CPD: variants seen among roughly 807,000 people sequenced by gnomAD.
The protein encoded by CPD is carboxypeptidase D.
CPD carries 69 observed loss-of-function variants against 138.3 expected under a neutral mutation model. The observed-to-expected ratio is 0.50, with a 90% CI of 0.41 to 0.61. The LOEUF is 0.61. CPD is among the 20% of genes least tolerant of loss of function. The pLI, the probability that CPD is intolerant of heterozygous loss-of-function variation, is 0.00. For synonymous variants in CPD, 651 were observed against 642.1 expected, an observed-to-expected ratio of 1.01 and a Z score of -0.21; for missense variants, 1,432 against 1,733.3, an observed-to-expected ratio of 0.83 and a Z score of 3.09.
intron 17 of CPD, 53 bp from the exon 18 acceptor site, chr17:30,461,127 C>T (rs1913460332): frequency 7.1e-7 from 1 of 1,415,584 alleles, no homozygotes; most frequent in Non-Finnish European, 9.5e-7. Context: ...AAGCCTTATT[C>T]TTTCTTTTAC....
At chr17:30,385,630 A>G (rs1704557016) in intron 2 of CPD, among the ~76,000 whole-genome samples, 1 of 152,072 alleles carries the variant, frequency 6.6e-6, no homozygotes, top group African/African-American at 2.4e-5. Context: ...AAGTACAGGG[A>G]CATTTTCCTG....
chr17:30,460,722 T>C (rs1007021537), intron 17 of CPD, among the ~76,000 whole-genome samples: 6 of 152,184 alleles, frequency 3.9e-5, no homozygotes, highest in African/African-American at 1.4e-4. Context: ...ACCTTGATAA[T>C]ATCAATGCCG....
chr17:30,427,560 T>C lies in CPD; in HGVS notation c.2017+2T>C. 1 of 1,612,938 alleles carries C rather than the reference T, an allele frequency of 6.2e-7. No homozygotes were observed. Among genetic ancestry groups the C allele is most frequent in the Non-Finnish European group, 8.5e-7 (1 of 1,179,148 alleles). On this transcript the variant is annotated splice_donor_variant, in intron 7 of 20. Coordinates refer to ENST00000225719, the MANE Select transcript of CPD (RefSeq NM_001304.5). LOFTEE classifies it high-confidence loss of function. The stretch of plus-strand genomic sequence containing the variant: ...TACTTTCAGCAAACCTGCATGGAGG[T>C]ATGGCAACTTTATATTCTACTAATC...
At chr17:30,398,237 A>G (rs919161950) in intron 2 of CPD, among the ~76,000 whole-genome samples, 1 of 38,538 alleles carries the variant, frequency 2.6e-5, no homozygotes, top group Non-Finnish European at 5.0e-5. Flanking sequence ...ATAGAATAGA[A>G]CAGAATAGAA....
chr17:30,430,590 A>G (rs958772888), intron 7 of CPD, among the ~76,000 whole-genome samples: 1 of 152,166 alleles, frequency 6.6e-6, no homozygotes, highest in African/African-American at 2.4e-5. Context: ...TTTGACTACA[A>G]TGAAAAATGC....
intron 2 of CPD, among the ~76,000 whole-genome samples, chr17:30,403,493 T>C (rs959362019): frequency 2.0e-5 from 3 of 152,086 alleles, no homozygotes; most frequent in Non-Finnish European, 4.4e-5. Flanking sequence ...GTATAGAAGA[T>C]AAATAAAGAC....
In CPD at chr17:30,422,698, T is replaced by G. The variant is rs747199704; in HGVS notation, c.1332T>G (p.Asn444Lys). ...LTGYMPLTVT[N>K]VVVKEGPATE... is the part of the protein sequence containing the mutation. ...GGTATATGCCATTGACTGTTACTAA[T>G]GTAGTGGTGAAAGAAGGACCAGCCA... The change falls in exon 5 of 21, where the codon AAT becomes AAG. Residue 444 changes from asparagine (N) to lysine (K), a missense_variant. By Grantham distance (94) the Asn-to-Lys change is moderately conservative (BLOSUM62 0). Transcript: ENST00000225719. The G allele has an allele frequency of 1.9e-6, 3 of 1,612,832 alleles. No individual in the cohort carries two copies. The highest frequency in any genetic ancestry group is 2.5e-6 in the Non-Finnish European group (3 of 1,179,410).
intron 2 of CPD, among the ~76,000 whole-genome samples, chr17:30,389,690 G>A (rs1280226084): frequency 6.6e-6 from 1 of 152,154 alleles, no homozygotes; most frequent in Non-Finnish European, 1.5e-5. Flanking sequence ...TGGTATTAAG[G>A]CCAGAGATTA....
rs1326683679 is a variant in CPD, at chr17:30,379,277, C to A, written c.297C>A (p.Leu99=). The A allele has an allele frequency of 2.0e-6, 3 of 1,510,760 alleles. No individual in the cohort carries two copies. Among genetic ancestry groups the A allele is most frequent in the Middle Eastern group, 1.9e-4 (1 of 5,304 alleles). 93.6% of individuals were successfully genotyped at this position (1,510,760 alleles called of 1,614,324 possible). Residue 99 remains leucine, a synonymous_variant, in exon 1 of 21, where the codon CTC becomes CTA. Transcript: ENST00000225719. The surrounding 1 kb of genome is among the most constrained non-coding windows in gnomAD (Gnocchi z 7.0). The part of the protein sequence containing the change: ...VEGRPLWVLR[L]TAGLGSLIPE... ...GCCGGCCGCTGTGGGTGCTTCGCCT[C>A]ACCGCCGGCCTGGGGTCGCTAATCC... is the stretch of plus-strand genomic sequence containing the variant.
intron 11 of CPD, 70 bp downstream of exon 11, chr17:30,444,041 C>T: frequency 2.6e-6 from 4 of 1,516,550 alleles, no homozygotes; most frequent in Non-Finnish European, 3.6e-6. Flanking sequence ...AGGATTATTA[C>T]TAGAACGTTC....
At chr17:30,428,305 CTG>C (rs1293302305) in intron 7 of CPD, among the ~76,000 whole-genome samples, 1 of 152,172 alleles carries the variant, frequency 6.6e-6, no homozygotes, top group Non-Finnish European at 1.5e-5. Context: ...GAGAACCAAA[CTG>C]TGTCCACACA....
chr17:30,393,381 T>G (rs753879535), intron 2 of CPD, among the ~76,000 whole-genome samples: 24 of 152,360 alleles, frequency 1.6e-4, no homozygotes, highest in South Asian at 8.3e-4. Flanking sequence ...CCAGAAAGCT[T>G]ATTTTTGAGG....
At chr17:30,454,457 C>A (rs1481392642) in intron 14 of CPD, 1 of 152,270 alleles carries the variant, frequency 6.6e-6, no homozygotes, top group Non-Finnish European at 1.5e-5. Flanking sequence ...CCACCTCAGC[C>A]TGGACCTTAT....
chr17:30,386,977 G>T (rs1597704784), intron 2 of CPD, among the ~76,000 whole-genome samples: 1 of 152,334 alleles, frequency 6.6e-6, no homozygotes, highest in Non-Finnish European at 1.5e-5. Context: ...CCCAGGAGTA[G>T]AATTGCTGGG....
chr17:30,463,956 CAAG>C (rs1216933190), intron 20 of CPD, among the ~76,000 whole-genome samples: 2 of 151,750 alleles, frequency 1.3e-5, no homozygotes, highest in South Asian at 2.1e-4. Flanking sequence ...TTAAAATAAA[CAAG>C]GAGATTTGGA....
intron 2 of CPD, among the ~76,000 whole-genome samples, chr17:30,409,988 G>A (rs1277568529): frequency 6.6e-6 from 1 of 152,104 alleles, no homozygotes; most frequent in African/African-American, 2.4e-5. Context: ...TCTCTTGTGG[G>A]CATTTAGTGC....
intron 7 of CPD, among the ~76,000 whole-genome samples, chr17:30,431,462 C>T (rs553604125): frequency 6.6e-6 from 1 of 152,060 alleles, no homozygotes; most frequent in East Asian, 1.9e-4. Flanking sequence ...GATGGAATCC[C>T]GTATATCTGT....
chr17:30,462,316 A>T lies in CPD; in HGVS notation c.3817-54A>T, dbSNP rs1913511557. On this transcript the variant is annotated intron_variant, in intron 19 of 20. Coordinates refer to ENST00000225719, the MANE Select transcript of CPD (RefSeq NM_001304.5). ...TATGGGGCCTAATAATATAGCAGGG[A>T]TACAGTACACCTTAAGCAGAATTTG... 4 of 1,410,200 alleles carry T rather than the reference A, an allele frequency of 2.8e-6. No homozygotes were observed. The Admixed American group carries it at 6.8e-5, about 24-fold the overall frequency. 87.4% of individuals were successfully genotyped at this position (1,410,200 alleles called of 1,614,324 possible). A position where few individuals can be genotyped will look rare whatever the true frequency, so the allele number is the denominator to read the frequency against.
At position 30,379,878 on chromosome 17, in the gene CPD, C is replaced by A; in HGVS notation, c.746+152C>A. 2.0e-6 allele frequency: 1 copy of A among 500,608 alleles called. No individual in the cohort carries two copies. The highest frequency in any genetic ancestry group is 3.3e-6 in the Non-Finnish European group (1 of 307,014). The allele number at this position is 500,608 out of a possible 1,614,324, so 31.0% of individuals were successfully genotyped here. Reference sequence around the variant, plus strand: ...CCTGTAACGGGGACAGGGCCCAGGCCGCGTAGCCTCCCGTCCTGCTAATCA... The same window carrying A: ...CCTGTAACGGGGACAGGGCCCAGGCAGCGTAGCCTCCCGTCCTGCTAATCA... On this transcript the variant is annotated intron_variant, in intron 1 of 20. Transcript: ENST00000225719. The surrounding 1 kb of genome is among the most constrained non-coding windows in gnomAD (Gnocchi z 7.0).
Sources: gnomAD v4.1 joint callset for allele counts (sites outside exome capture counted in the v4.1 genomes callset) on GRCh38, gnomAD v4.1.1 for gene constraint, Gnocchi (gnomAD v3.1) non-coding constraint, MANE v1.5 for transcripts, NCBI Gene and HGNC (gene_info 2026-07-23, HGNC 2026-07-21) for gene names.